The following MAGI1 variants were observed in gnomAD, a reference collection of about 807,000 sequenced individuals.
MAGI1 encodes membrane associated guanylate kinase, WW and PDZ domain containing 1.
A neutral mutation model predicts 139.9 loss-of-function variants in MAGI1; 58 were observed. The observed-to-expected ratio is 0.41, with a 90% CI of 0.34 to 0.52. MAGI1 has a LOEUF of 0.52. Among genes scored for constraint, MAGI1 ranks in the 20% least tolerant of loss-of-function variants. MAGI1 has a pLI of 0.12. For synonymous variants in MAGI1, 812 were observed against 737.9 expected, an observed-to-expected ratio of 1.10 and a Z score of -1.63; for missense variants, 1,874 against 1,901.6, an observed-to-expected ratio of 0.99 and a Z score of 0.27.
intron 1 of MAGI1, among the ~76,000 whole-genome samples, chr3:65,811,177 AT>A (rs1317814915): frequency 6.6e-6 from 1 of 152,218 alleles, no homozygotes; most frequent in African/African-American, 2.4e-5. Flanking sequence ...AGGCAACTTC[AT>A]AGGATAATCC....
chr3:65,818,347 C>T (rs1308449156), intron 1 of MAGI1, among the ~76,000 whole-genome samples: 1 of 152,130 alleles, frequency 6.6e-6, no homozygotes, highest in South Asian at 2.1e-4. Context: ...TGATAATAAA[C>T]ATGGTAAGTT....
intron 1 of MAGI1, among the ~76,000 whole-genome samples, chr3:65,852,013 T>A (rs554014717): frequency 6.6e-6 from 1 of 152,240 alleles, no homozygotes; most frequent in South Asian, 2.1e-4. Flanking sequence ...GGGAAGGTTT[T>A]TAAGTAGGAA....
At chr3:65,468,991 G>A (rs1181267720) in intron 5 of MAGI1, among the ~76,000 whole-genome samples, 5 of 72,794 alleles carry the variant, frequency 6.9e-5, no homozygotes, top group Non-Finnish European at 8.9e-5. Flanking sequence ...ATAAATAAAT[G>A]TGTGTATACA....
chr3:65,496,475 A>C (rs1176046977), intron 2 of MAGI1, among the ~76,000 whole-genome samples: 2 of 152,222 alleles, frequency 1.3e-5, no homozygotes, highest in African/African-American at 4.8e-5. Context: ...GGTAATCAAG[A>C]TATGGACTAG....
At chr3:65,759,544 T>C (rs985590346) in intron 1 of MAGI1, among the ~76,000 whole-genome samples, 1 of 152,138 alleles carries the variant, frequency 6.6e-6, no homozygotes, top group Non-Finnish European at 1.5e-5. Context: ...AAAAAAAGCA[T>C]CTACTGCAAA....
At chr3:65,590,822 C>A (rs186693794) in intron 2 of MAGI1, among the ~76,000 whole-genome samples, 2 of 152,066 alleles carry the variant, frequency 1.3e-5, no homozygotes, top group African/African-American at 4.8e-5. Flanking sequence ...CATGAACTTG[C>A]GGTAAAGACT....
At chr3:65,517,862 G>T (rs1204273675) in intron 2 of MAGI1, among the ~76,000 whole-genome samples, 1 of 152,100 alleles carries the variant, frequency 6.6e-6, no homozygotes, top group Non-Finnish European at 1.5e-5. Context: ...TGCTTTTTCA[G>T]ATCTCCAACA....
intron 1 of MAGI1, among the ~76,000 whole-genome samples, chr3:65,650,132 T>G (rs531393834): frequency 4.1e-4 from 63 of 152,322 alleles, no homozygotes; most frequent in African/African-American, 1.5e-3. Context: ...CATAAAAGGA[T>G]GAGTCTGCAT....
chr3:65,707,950 T>G (rs1451308353), intron 1 of MAGI1, among the ~76,000 whole-genome samples: 1 of 152,084 alleles, frequency 6.6e-6, no homozygotes, highest in Non-Finnish European at 1.5e-5. Context: ...AATATAAAAC[T>G]GGCACATAGA....
chr3:65,491,971 CA>C (rs1440032278), intron 3 of MAGI1, among the ~76,000 whole-genome samples: 1 of 152,122 alleles, frequency 6.6e-6, no homozygotes, highest in East Asian at 1.9e-4. Context: ...AAACCAGAAA[CA>C]GCCATCTCTA....
intron 1 of MAGI1, among the ~76,000 whole-genome samples, chr3:65,926,332 TC>T (rs1488816381): frequency 6.7e-5 from 9 of 135,238 alleles, no homozygotes; most frequent in Non-Finnish European, 9.6e-5. Flanking sequence ...TTCTTTTCTC[TC>T]TCTCTCTCTC....
At chr3:65,404,391 G>A (rs756988307) in intron 12 of MAGI1, among the ~76,000 whole-genome samples, 6 of 152,206 alleles carry the variant, frequency 3.9e-5, no homozygotes, top group South Asian at 2.1e-4. Flanking sequence ...ACAACAAACC[G>A]TATATTACAA....
intron 1 of MAGI1, among the ~76,000 whole-genome samples, chr3:65,847,389 C>T (rs899488421): frequency 1.3e-5 from 2 of 151,666 alleles, no homozygotes; most frequent in African/African-American, 4.8e-5. Flanking sequence ...GGTTTTTTTT[C>T]CTCTAAAATC....
At chr3:65,690,212 C>A (rs1270835086) in intron 1 of MAGI1, among the ~76,000 whole-genome samples, 1 of 152,126 alleles carries the variant, frequency 6.6e-6, no homozygotes, top group Non-Finnish European at 1.5e-5. Flanking sequence ...TATTTGATTA[C>A]ACAGGCAAAT....
chr3:66,012,369 CTATAAA>C (rs201322350), intron 1 of MAGI1, among the ~76,000 whole-genome samples: 1,530 of 151,996 alleles, frequency 0.01, 20 homozygotes, highest in African/African-American at 0.035. Context: ...CAAGTTTTTC[CTATAAA>C]TATAAATATG....
At chr3:65,770,165 T>C (rs1401138074) in intron 1 of MAGI1, among the ~76,000 whole-genome samples, 1 of 152,212 alleles carries the variant, frequency 6.6e-6, no homozygotes, top group African/African-American at 2.4e-5. Flanking sequence ...TTTAGACTCC[T>C]GCCTGCGGAA....
intron 2 of MAGI1, among the ~76,000 whole-genome samples, chr3:65,542,647 T>C (rs1003469539): frequency 4.6e-5 from 7 of 152,164 alleles, no homozygotes; most frequent in African/African-American, 1.7e-4. Flanking sequence ...AAACACACAA[T>C]GGGGAAAGGA....
At chr3:65,516,808 A>G (rs1405633170) in intron 2 of MAGI1, among the ~76,000 whole-genome samples, 2 of 134,242 alleles carry the variant, frequency 1.5e-5, no homozygotes, top group African/African-American at 5.6e-5. Flanking sequence ...GCTCACTGCA[A>G]GCTCCGCCTC....
At chr3:65,970,962 T>C (rs1356092931) in intron 1 of MAGI1, among the ~76,000 whole-genome samples, 1 of 152,198 alleles carries the variant, frequency 6.6e-6, no homozygotes, top group Non-Finnish European at 1.5e-5. Context: ...CCCAGCACTT[T>C]GGGAGGCCGA....
Sources: allele counts gnomAD v4.1 joint callset (sites outside exome capture counted in the v4.1 genomes callset), GRCh38; gene constraint gnomAD v4.1.1; transcripts MANE v1.5; gene names NCBI Gene and HGNC (gene_info 2026-07-23, HGNC 2026-07-21).